ME3: variants seen among roughly 807,000 people sequenced by gnomAD.
ME3 encodes malic enzyme 3.
ME3 carries 48 observed loss-of-function variants against 68.9 expected under a neutral mutation model. The ratio of observed to expected loss-of-function variants is 0.70; its 90% CI spans 0.55 to 0.89. The LOEUF is 0.89. Among genes scored for constraint, ME3 ranks in the 40% least tolerant of loss-of-function variants. The pLI is 0.00. For synonymous variants in ME3, 320 were observed against 318.8 expected (o/e 1.00, Z -0.04); for missense variants, 675 against 797.4 (o/e 0.85, Z 1.85).
At chr11:86,574,986 G>A (rs908857302) in intron 2 of ME3, among the ~76,000 whole-genome samples, 2 of 118,504 alleles carry the variant, frequency 1.7e-5, no homozygotes, top group African/African-American at 7.9e-5. Context: ...ACCCTGACAG[G>A]TTGTCCAGCC....
chr11:86,635,125 T>C (rs923821086), intron 2 of ME3, among the ~76,000 whole-genome samples: 1 of 152,266 alleles, frequency 6.6e-6, no homozygotes, highest in African/African-American at 2.4e-5. Context: ...GGCAACATGA[T>C]GAAATCCCTA....
intron 2 of ME3, among the ~76,000 whole-genome samples, chr11:86,578,662 G>A (rs1958259948): frequency 6.6e-6 from 1 of 152,126 alleles, no homozygotes; most frequent in Admixed American, 6.6e-5. Flanking sequence ...AAGTCATTTT[G>A]TCCTGAAGAA....
intron 7 of ME3, among the ~76,000 whole-genome samples, chr11:86,468,070 A>G (rs1355130400): frequency 2.0e-5 from 3 of 152,002 alleles, no homozygotes; most frequent in Admixed American, 2.0e-4. Flanking sequence ...CTCCTACTCT[A>G]GGATTTCACA....
chr11:86,671,710 T>C (rs1594854315), intron 2 of ME3, 52 bp downstream of exon 2: 1 of 1,585,618 alleles, frequency 6.3e-7, no homozygotes, highest in Non-Finnish European at 8.6e-7. Context: ...GGCGCAATTT[T>C]CCGGCAGCCA....
chr11:86,671,318 G>A (rs765664862), intron 2 of ME3, among the ~76,000 whole-genome samples: 70 of 152,070 alleles, frequency 4.6e-4, no homozygotes, highest in Admixed American at 9.8e-4. Flanking sequence ...TGGGTACCAG[G>A]CACTGTTCTA....
chr11:86,441,197 A>C, exon 15 of ME3: 1 of 1,297,828 alleles, frequency 7.7e-7, no homozygotes, highest in Non-Finnish European at 1.0e-6. Flanking sequence ...ACAAGGATTC[A>C]CTTGGGCCAT....
At chr11:86,670,172 G>T (rs761641627) in intron 2 of ME3, among the ~76,000 whole-genome samples, 1 of 152,304 alleles carries the variant, frequency 6.6e-6, no homozygotes, top group East Asian at 1.9e-4. Flanking sequence ...AGAAGGATTC[G>T]CTTTCTGAGG....
Position 86,559,687 on chromosome 11 carries a change from G to T in ME3, c.317+3C>A. On this transcript the variant is annotated splice_donor_region_variant and intron_variant, in intron 3 of 14. Transcript: ENST00000543262. ...ACAGAGAGAACAGACACTAGGTACT[G>T]ACTTGTCCAGGTCACTCTGCTGCCG... is the stretch of plus-strand genomic sequence containing the variant. 1.9e-6 allele frequency: 3 copies of T among 1,612,804 alleles called. No individual in the cohort carries two copies. The South Asian group carries it at 3.3e-5, about 18-fold the overall frequency.
downstream of ME3, among the ~76,000 whole-genome samples, chr11:86,440,889 A>T (rs12281645): frequency 0.094 from 14,253 of 152,114 alleles, 1,284 homozygotes; most frequent in African/African-American, 0.24. Flanking sequence ...GACTGCCCTC[A>T]GTTTTTATCT....
rs1243492499 is a variant in ME3 at position 86,656,299 on chromosome 11, C to T, written c.183+15463G>A. On this transcript the variant is annotated intron_variant, in intron 2 of 14. Transcript: ENST00000543262. ...ATGCTGCTATAAAGACACATGCACA[C>T]ATATGTTTATTGTGGCACTATTCAC... Among the ~76,000 whole-genome samples the T allele has an allele frequency of 4.1e-4, 63 of 151,924 alleles. 2 individuals carry two copies. The highest frequency in any genetic ancestry group is 1.8e-4 in the Non-Finnish European group (12 of 67,998).
chr11:86,442,969 C>A (rs1311974596), intron 13 of ME3, 50 bp from the exon 14 acceptor site: 2 of 1,471,908 alleles, frequency 1.4e-6, no homozygotes, highest in African/African-American at 1.4e-5. Context: ...TCTGCCTTCC[C>A]AAAACAAGCC....
At chr11:86,612,996 C>G (rs899154926) in intron 2 of ME3, among the ~76,000 whole-genome samples, 1 of 152,132 alleles carries the variant, frequency 6.6e-6, no homozygotes, top group South Asian at 2.1e-4. Context: ...TGCTTATGTC[C>G]TGAATGGTAT....
At chr11:86,471,943 G>A (rs918097192) in intron 7 of ME3, among the ~76,000 whole-genome samples, 2 of 152,204 alleles carry the variant, frequency 1.3e-5, no homozygotes, top group Non-Finnish European at 2.9e-5. Context: ...TGTGGCATCA[G>A]TAATAATAAA....
chr11:86,455,331 G>A (rs1594026443), intron 8 of ME3, among the ~76,000 whole-genome samples: 1 of 152,216 alleles, frequency 6.6e-6, no homozygotes, highest in Admixed American at 6.5e-5. Context: ...GAGATCACTG[G>A]AAATTGTTAC....
chr11:86,461,701 C>G (rs1019449395), intron 8 of ME3, among the ~76,000 whole-genome samples: 1 of 152,136 alleles, frequency 6.6e-6, no homozygotes, highest in Admixed American at 6.5e-5. Flanking sequence ...GTGCTGACAG[C>G]CTTGCTGTCA....
chr11:86,568,761 G>C (rs528516130), intron 2 of ME3, among the ~76,000 whole-genome samples: 1 of 152,212 alleles, frequency 6.6e-6, no homozygotes, highest in Non-Finnish European at 1.5e-5. Flanking sequence ...GATCTGCCTA[G>C]TGCCTCTAGA....
At chr11:86,492,175 A>G (rs1952047204) in intron 6 of ME3, among the ~76,000 whole-genome samples, 1 of 152,214 alleles carries the variant, frequency 6.6e-6, no homozygotes, top group African/African-American at 2.4e-5. Flanking sequence ...TCTCTGTTAA[A>G]TAGGGAATAA....
At chr11:86,483,338 T>C (rs1484267875) in intron 7 of ME3, among the ~76,000 whole-genome samples, 2 of 152,132 alleles carry the variant, frequency 1.3e-5, no homozygotes, top group Non-Finnish European at 2.9e-5. Context: ...GGACAGGGGC[T>C]CACATCAAGT....
chr11:86,538,968 G>A (rs142379694), intron 4 of ME3, among the ~76,000 whole-genome samples: 100 of 152,124 alleles, frequency 6.6e-4, no homozygotes, highest in African/African-American at 2.3e-3. Context: ...CCAGAATTAG[G>A]TCATATATCT....
Sources: allele counts gnomAD v4.1 joint callset (sites outside exome capture counted in the v4.1 genomes callset), GRCh38; gene constraint gnomAD v4.1.1; transcripts MANE v1.5; gene names NCBI Gene and HGNC (gene_info 2026-07-23, HGNC 2026-07-21).